The following AGBL4 variants were observed in gnomAD, a reference collection of about 807,000 sequenced individuals.
AGBL4 encodes AGBL carboxypeptidase 4, also known as cytosolic carboxypeptidase 6.
Under a neutral mutation model 66.4 loss-of-function variants are expected in AGBL4, and 58 were observed. The observed-to-expected ratio is 0.87, with a 90% CI of 0.71 to 1.09. The LOEUF (loss-of-function observed/expected upper bound fraction) is 1.09. AGBL4 is among the 50% of genes least tolerant of loss of function. The probability of loss-of-function intolerance (pLI) is 0.00; values close to 1 mark genes in which losing one functional copy is unlikely to be tolerated. For missense variants in AGBL4, 579 were observed against 631.0 expected, an observed-to-expected ratio of 0.92 and a Z score of 0.88; for synonymous variants, 234 against 222.9, an observed-to-expected ratio of 1.05 and a Z score of -0.44.
intron 11 of AGBL4, among the ~76,000 whole-genome samples, chr1:48,570,729 C>T (rs574789069): frequency 6.6e-6 from 1 of 152,156 alleles, no homozygotes; most frequent in Non-Finnish European, 1.5e-5. Flanking sequence ...AAATGTTGTG[C>T]ATTCCCAGAA....
At chr1:48,685,067 G>C (rs1368032661) in intron 6 of AGBL4, among the ~76,000 whole-genome samples, 1 of 152,182 alleles carries the variant, frequency 6.6e-6, no homozygotes, top group Non-Finnish European at 1.5e-5. Context: ...CAGAGACATG[G>C]TGCATGGTGC....
At chr1:49,959,865 A>G (rs181238962) in intron 1 of AGBL4, among the ~76,000 whole-genome samples, 2 of 152,228 alleles carry the variant, frequency 1.3e-5, no homozygotes, top group Admixed American at 1.3e-4. Flanking sequence ...AAAGAATGAG[A>G]TCATGTCCTT....
chr1:49,407,293 C>A (rs1312511019), intron 3 of AGBL4, among the ~76,000 whole-genome samples: 1 of 152,128 alleles, frequency 6.6e-6, no homozygotes, highest in Non-Finnish European at 1.5e-5. Context: ...AAAACATCAA[C>A]CTCTCCTGCC....
chr1:48,824,702 C>T (rs758665752), intron 6 of AGBL4, among the ~76,000 whole-genome samples: 1 of 152,150 alleles, frequency 6.6e-6, no homozygotes, highest in Non-Finnish European at 1.5e-5. Flanking sequence ...AGGCTCTAAA[C>T]CTGACATCCT....
chr1:49,924,659 A>G (rs1652588448), intron 1 of AGBL4, among the ~76,000 whole-genome samples: 1 of 152,186 alleles, frequency 6.6e-6, no homozygotes, highest in African/African-American at 2.4e-5. Flanking sequence ...TAGTATTTCA[A>G]TTAAGATGAT....
chr1:49,291,523 A>T (rs559683317), intron 3 of AGBL4, among the ~76,000 whole-genome samples: 2 of 152,340 alleles, frequency 1.3e-5, no homozygotes, highest in East Asian at 3.9e-4. Context: ...TGGATAACAG[A>T]TTGTTGAATA....
intron 4 of AGBL4, among the ~76,000 whole-genome samples, chr1:49,052,983 C>G (rs1644247005): frequency 6.6e-6 from 1 of 152,050 alleles, no homozygotes; most frequent in South Asian, 2.1e-4. Flanking sequence ...CCTGGGTTTC[C>G]CAATCTATAA....
At chr1:49,219,844 G>C (rs1165106067) in intron 4 of AGBL4, among the ~76,000 whole-genome samples, 1 of 152,102 alleles carries the variant, frequency 6.6e-6, no homozygotes, top group Non-Finnish European at 1.5e-5. Flanking sequence ...CTTTCCATTA[G>C]TCAATCTAAC....
At chr1:49,275,578 C>T (rs963376597) in intron 3 of AGBL4, among the ~76,000 whole-genome samples, 8 of 152,010 alleles carry the variant, frequency 5.3e-5, no homozygotes, top group East Asian at 1.9e-4. Flanking sequence ...CTAAATTAGT[C>T]CCATTATAAT....
At position 48,967,314 on chromosome 1, in the gene AGBL4, C is replaced by T. The variant is rs539856083; in HGVS notation, c.594+78270G>A. ...CACTATCATCATAATTCTGCTGCCCCCATCACCTTCATTCATAATTCACTC... is the reference window on the plus strand; with the variant it reads ...CACTATCATCATAATTCTGCTGCCCTCATCACCTTCATTCATAATTCACTC... On this transcript the variant is annotated intron_variant, in intron 5 of 13. Coordinates refer to ENST00000371839, the MANE Select transcript of AGBL4 (RefSeq NM_032785.4). 3.3e-4 allele frequency among the ~76,000 whole-genome samples: 50 copies of T among 152,212 alleles called. No homozygotes were observed. In the South Asian group the frequency reaches 4.2e-3, roughly 13 times the overall value.
intron 2 of AGBL4, among the ~76,000 whole-genome samples, chr1:49,831,257 A>T (rs771714792): frequency 9.9e-5 from 15 of 152,148 alleles, no homozygotes; most frequent in Non-Finnish European, 1.9e-4. Flanking sequence ...ATGTCTTCCC[A>T]TTCGTTTGTG....
chr1:49,357,938 A>T (rs569774190), intron 3 of AGBL4, among the ~76,000 whole-genome samples: 1 of 152,054 alleles, frequency 6.6e-6, no homozygotes, highest in Admixed American at 6.6e-5. Flanking sequence ...AACATCCTCT[A>T]GGTCCCATGT....
chr1:49,044,487 C>G (rs997558332), intron 5 of AGBL4, among the ~76,000 whole-genome samples: 1 of 151,214 alleles, frequency 6.6e-6, no homozygotes, highest in Non-Finnish European at 1.5e-5. Flanking sequence ...CAGAGCAAGA[C>G]TCCATCTCAA....
At chr1:49,673,442 A>T (rs1325304307) in intron 3 of AGBL4, among the ~76,000 whole-genome samples, 1 of 152,212 alleles carries the variant, frequency 6.6e-6, no homozygotes, top group African/African-American at 2.4e-5. Flanking sequence ...TTTTAAAATA[A>T]TTTAAAGTGT....
At chr1:49,087,018 G>T (rs1253490313) in intron 4 of AGBL4, among the ~76,000 whole-genome samples, 5 of 150,474 alleles carry the variant, frequency 3.3e-5, no homozygotes, top group African/African-American at 7.4e-5. Flanking sequence ...ATCACCAAGG[G>T]CATAAGAGAA....
chr1:48,849,009 C>T (rs931940644), intron 6 of AGBL4, among the ~76,000 whole-genome samples: 2 of 152,212 alleles, frequency 1.3e-5, no homozygotes, highest in African/African-American at 2.4e-5. Context: ...TTACCAAACA[C>T]CACTTAGGCT....
At chr1:49,935,147 G>A (rs879286339) in intron 1 of AGBL4, among the ~76,000 whole-genome samples, 6 of 152,192 alleles carry the variant, frequency 3.9e-5, no homozygotes, top group Non-Finnish European at 7.3e-5. Flanking sequence ...GCGCTTTTCC[G>A]ATGGGCTTAA....
At chr1:49,011,775 G>A (rs901632096) in intron 5 of AGBL4, among the ~76,000 whole-genome samples, 1 of 150,422 alleles carries the variant, frequency 6.6e-6, no homozygotes, top group Non-Finnish European at 1.5e-5. Flanking sequence ...GTAAACTATC[G>A]CAAGAACCAA....
chr1:49,619,865 T>C (rs905676897), intron 3 of AGBL4, among the ~76,000 whole-genome samples: 1 of 152,110 alleles, frequency 6.6e-6, no homozygotes, highest in Non-Finnish European at 1.5e-5. Context: ...AAACAAGCAA[T>C]GGGGAAAGGA....
Sources: gnomAD v4.1 joint callset for allele counts (sites outside exome capture counted in the v4.1 genomes callset) on GRCh38, gnomAD v4.1.1 for gene constraint, MANE v1.5 for transcripts, NCBI Gene and HGNC (gene_info 2026-07-23, HGNC 2026-07-21) for gene names.